Variants in EGFLAM observed in about 807,000 individuals in gnomAD.
The protein encoded by EGFLAM is EGF like, fibronectin type III and laminin G domains.
Under a neutral mutation model 113.1 loss-of-function variants are expected in EGFLAM, and 79 were observed. The observed-to-expected ratio is 0.70, with a 90% CI of 0.58 to 0.84. The LOEUF (loss-of-function observed/expected upper bound fraction) is 0.84, where lower values mean the gene tolerates loss of function less well. Ranked by LOEUF, EGFLAM falls within the 40% of genes least tolerant of loss-of-function variation. The pLI is 0.00. For synonymous variants in EGFLAM, 504 were observed against 487.6 expected (o/e 1.03, Z -0.44); for missense variants, 1,265 against 1,291.6 (o/e 0.98, Z 0.32).
chr5:38,444,798 A>G (rs1742655791), intron 17 of EGFLAM, among the ~76,000 whole-genome samples: 1 of 152,180 alleles, frequency 6.6e-6, no homozygotes, highest in South Asian at 2.1e-4. Context: ...TACAAAAATT[A>G]GCCAGGCATG....
At chr5:38,312,484 C>T (rs1160389757) in intron 1 of EGFLAM, among the ~76,000 whole-genome samples, 1 of 152,148 alleles carries the variant, frequency 6.6e-6, no homozygotes, top group Non-Finnish European at 1.5e-5. Context: ...TCGTGATCCG[C>T]CCGCCTCGGC....
intron 5 of EGFLAM, among the ~76,000 whole-genome samples, chr5:38,358,369 C>T (rs1459140550): frequency 1.4e-5 from 2 of 143,882 alleles, no homozygotes; most frequent in Admixed American, 7.9e-5. Flanking sequence ...ATTGTGTGAA[C>T]CCGGGAGGCG....
At chr5:38,371,635 C>T (rs766682505) in intron 6 of EGFLAM, among the ~76,000 whole-genome samples, 5 of 151,866 alleles carry the variant, frequency 3.3e-5, no homozygotes, top group Admixed American at 6.6e-5. Flanking sequence ...CACACACACA[C>T]ACGCACACAC....
At chr5:38,379,403 A>G (rs942774439) in intron 6 of EGFLAM, among the ~76,000 whole-genome samples, 9 of 151,798 alleles carry the variant, frequency 5.9e-5, no homozygotes, top group Non-Finnish European at 2.9e-5. Context: ...AGAGTAAATG[A>G]TGCATGGAAC....
intron 6 of EGFLAM, among the ~76,000 whole-genome samples, chr5:38,405,054 G>A (rs1433097301): frequency 2.0e-5 from 3 of 152,102 alleles, no homozygotes; most frequent in Non-Finnish European, 2.9e-5. Context: ...TGCTAAGATG[G>A]ATGAAATGGA....
At chr5:38,290,445 G>A (rs2111789526) in intron 1 of EGFLAM, among the ~76,000 whole-genome samples, 1 of 152,264 alleles carries the variant, frequency 6.6e-6, no homozygotes, top group Middle Eastern at 3.4e-3. Flanking sequence ...GACAGGATAT[G>A]AGCATTGACA....
intron 5 of EGFLAM, among the ~76,000 whole-genome samples, chr5:38,363,054 G>C (rs1579822779): frequency 6.6e-6 from 1 of 152,206 alleles, no homozygotes; most frequent in East Asian, 1.9e-4. Flanking sequence ...CATTTGGTTA[G>C]GTTAAACCAA....
At chr5:38,415,978 C>T (rs1169544780) in intron 11 of EGFLAM, among the ~76,000 whole-genome samples, 3 of 152,108 alleles carry the variant, frequency 2.0e-5, no homozygotes, top group Non-Finnish European at 2.9e-5. Context: ...CTGAGTCCCT[C>T]CCACGACCCG....
intron 5 of EGFLAM, among the ~76,000 whole-genome samples, chr5:38,365,732 C>G (rs899957998): frequency 6.6e-6 from 1 of 152,054 alleles, no homozygotes; most frequent in Non-Finnish European, 1.5e-5. Context: ...TTTCTTGAAA[C>G]TTTTTTCAGC....
chr5:38,328,723 G>GTTTTTTTTTTTTTTTTTTTTTTTTT (rs3077265), intron 1 of EGFLAM, among the ~76,000 whole-genome samples: 1 of 103,026 alleles, frequency 9.7e-6, no homozygotes. Flanking sequence ...AGCTATACTT[G>GTTTTTTTTTTTTTTTTTTTTTTTTT]TTTTTTTTTT....
chr5:38,400,934 C>G (rs1304056560), intron 6 of EGFLAM: 1 of 152,142 alleles, frequency 6.6e-6, no homozygotes, highest in Non-Finnish European at 1.5e-5. Context: ...ACTCTAAATC[C>G]TTGTGATTCC....
intron 1 of EGFLAM, among the ~76,000 whole-genome samples, chr5:38,327,559 C>G (rs1738923082): frequency 6.6e-6 from 1 of 152,142 alleles, no homozygotes; most frequent in Non-Finnish European, 1.5e-5. Flanking sequence ...GTATGCTTTT[C>G]TGTTTAATAC....
At chr5:38,268,523 A>G (rs1430138720) in intron 1 of EGFLAM, among the ~76,000 whole-genome samples, 1 of 152,232 alleles carries the variant, frequency 6.6e-6, no homozygotes, top group East Asian at 1.9e-4. Context: ...TAGATGTGGT[A>G]GATTGTCTCT....
intron 1 of EGFLAM, among the ~76,000 whole-genome samples, chr5:38,323,285 A>G (rs1738787918): frequency 6.6e-6 from 1 of 152,244 alleles, no homozygotes; most frequent in African/African-American, 2.4e-5. Context: ...GAAGTATTTT[A>G]TGAAATAAAA....
At chr5:38,365,764 C>T (rs1212960126) in intron 5 of EGFLAM, among the ~76,000 whole-genome samples, 1 of 152,072 alleles carries the variant, frequency 6.6e-6, no homozygotes, top group Non-Finnish European at 1.5e-5. Flanking sequence ...ATATAATATA[C>T]ATATTTATGT....
chr5:38,350,536 A>C lies in EGFLAM; in HGVS notation c.327A>C (p.Glu109Asp). Residue 109 changes from glutamate (E) to aspartate (D), a missense_variant, in exon 4 of 22, where the codon GAA becomes GAC. Coordinates refer to ENST00000322350, the MANE Select transcript of EGFLAM (RefSeq NM_152403.4). ...TTGGAGATTTGAAACCAGGCACTGA[A>C]TATCGTGTGAGCATAGCAGCTTACA... ...EVIGDLKPGT[E>D]YRVSIAAYSQ... is the part of the protein sequence containing the mutation. 6.2e-7 allele frequency: 1 copy of C among 1,614,026 alleles called. No homozygotes were observed. Among genetic ancestry groups the C allele is most frequent in the Non-Finnish European group, 8.5e-7 (1 of 1,179,938 alleles).
chr5:38,433,562 AT>A (rs1288592540), intron 15 of EGFLAM, among the ~76,000 whole-genome samples: 1 of 152,134 alleles, frequency 6.6e-6, no homozygotes, highest in Non-Finnish European at 1.5e-5. Context: ...CTGCATGACG[AT>A]TTTGATGAGC....
chr5:38,308,346 C>T (rs1162768977), intron 1 of EGFLAM, among the ~76,000 whole-genome samples: 1 of 152,186 alleles, frequency 6.6e-6, no homozygotes, highest in African/African-American at 2.4e-5. Context: ...TTCTCTTTTC[C>T]CTTGGTGAAG....
At position 38,448,314 on chromosome 5, in the gene EGFLAM, C is replaced by G. The variant is rs776529115; in HGVS notation, c.2478C>G (p.Ala826=). Residue 826 remains alanine (A), a synonymous_variant, in exon 18 of 22, where the codon GCC becomes GCG. Transcript: ENST00000322350. ...GTTCTGTCCCAGCGATCATAGAAGC[C>G]ATTGAGATCCCGCAGTTTATCGGCC... ...GLHCQKAIIE[A]IEIPQFIGRS... 2 of 1,614,030 alleles carry G rather than the reference C, an allele frequency of 1.2e-6. No individual in the cohort carries two copies. The highest frequency in any genetic ancestry group is 1.7e-5 in the Admixed American group (1 of 59,996).
Sources: allele counts gnomAD v4.1 joint callset (sites outside exome capture counted in the v4.1 genomes callset), GRCh38; gene constraint gnomAD v4.1.1; transcripts MANE v1.5; gene names NCBI Gene and HGNC (gene_info 2026-07-23, HGNC 2026-07-21).